ANKFN1: variants seen among roughly 807,000 people sequenced by gnomAD.
ANKFN1 encodes the protein ankyrin repeat and fibronectin type III domain containing 1.
ANKFN1 carries 74 observed loss-of-function variants against 108.7 expected under a neutral mutation model. The ratio of observed to expected loss-of-function variants is 0.68; its 90% CI spans 0.56 to 0.83. The LOEUF (loss-of-function observed/expected upper bound fraction) is 0.83. Among genes scored for constraint, ANKFN1 ranks in the 40% least tolerant of loss-of-function variants. ANKFN1 has a pLI of 0.00. For synonymous variants in ANKFN1, 547 were observed against 516.2 expected (o/e 1.06, Z -0.81); for missense variants, 1,505 against 1,382.3 (o/e 1.09, Z -1.41).
At chr17:56,367,643 C>A (rs781604216) in intron 6 of ANKFN1, among the ~76,000 whole-genome samples, 3 of 152,140 alleles carry the variant, frequency 2.0e-5, no homozygotes, top group Non-Finnish European at 4.4e-5. Flanking sequence ...GCTGGTATGG[C>A]TGCTCAGAGG....
At chr17:56,050,236 GTTGT>G (rs1375950134) in intron 4 of ANKFN1, among the ~76,000 whole-genome samples, 6 of 149,524 alleles carry the variant, frequency 4.0e-5, no homozygotes, top group Admixed American at 1.3e-4. Flanking sequence ...TTTTGATGGG[GTTGT>G]TTGTTTTTTT....
chr17:56,426,572 C>G (rs1269841783), intron 8 of ANKFN1, among the ~76,000 whole-genome samples: 2 of 152,114 alleles, frequency 1.3e-5, no homozygotes, highest in Non-Finnish European at 2.9e-5. Context: ...ATATTACATA[C>G]AAGCAGATAT....
In ANKFN1 at chr17:56,350,969, T is replaced by C. The variant is rs978957882; in HGVS notation, c.390+2T>C. On this transcript the variant is annotated splice_donor_variant, in intron 5 of 20. Transcript: ENST00000682825. LOFTEE classifies it high-confidence loss of function. ...CTGAGTCTCAGGAAGACCTCGGTGG[T>C]AACAAAACTGTTTTTATTCTTGTGT... The C allele has an allele frequency of 6.2e-7, 1 of 1,612,706 alleles. No homozygotes were observed. The highest frequency in any genetic ancestry group is 8.5e-7 in the Non-Finnish European group (1 of 1,179,414).
intron 3 of ANKFN1, among the ~76,000 whole-genome samples, chr17:56,274,914 C>T (rs2043885185): frequency 6.6e-6 from 1 of 152,142 alleles, no homozygotes; most frequent in Non-Finnish European, 1.5e-5. Context: ...AAAAAATGTA[C>T]CTTGCGGTTA....
chr17:56,419,248 G>A (rs920841450), intron 8 of ANKFN1, among the ~76,000 whole-genome samples: 18 of 149,892 alleles, frequency 1.2e-4, no homozygotes, highest in East Asian at 2.0e-4. Context: ...TTGGGAGGCC[G>A]AGGCGGGCAG....
chr17:56,066,345 T>C (rs904300908), intron 4 of ANKFN1, among the ~76,000 whole-genome samples: 1 of 152,204 alleles, frequency 6.6e-6, no homozygotes, highest in African/African-American at 2.4e-5. Context: ...TGCTGTCTAA[T>C]ATGCTAGCCA....
intron 4 of ANKFN1, among the ~76,000 whole-genome samples, chr17:56,091,449 CA>C (rs1905417631): frequency 6.7e-6 from 1 of 149,432 alleles, no homozygotes; most frequent in Non-Finnish European, 1.5e-5. Context: ...CACACACACA[CA>C]CACACACACA....
intron 8 of ANKFN1, among the ~76,000 whole-genome samples, chr17:56,427,720 C>T (rs577592711): frequency 1.0e-3 from 155 of 152,238 alleles, no homozygotes; most frequent in African/African-American, 3.7e-3. Flanking sequence ...GGAGCTTTCT[C>T]TAGCCAAAGA....
At chr17:56,490,497 G>A (rs80206790) in intron 18 of ANKFN1, among the ~76,000 whole-genome samples, 3,668 of 152,258 alleles carry the variant, frequency 0.024, 146 homozygotes, top group African/African-American at 0.082. Context: ...GGCAGCATGA[G>A]GGAAGGTATG....
chr17:56,278,164 A>G (rs1435605706), intron 3 of ANKFN1, among the ~76,000 whole-genome samples: 1 of 152,216 alleles, frequency 6.6e-6, no homozygotes, highest in African/African-American at 2.4e-5. Flanking sequence ...AGCAGCTTAT[A>G]TCTCACATTG....
intron 4 of ANKFN1, among the ~76,000 whole-genome samples, chr17:56,126,782 A>C (rs773644016): frequency 5.3e-5 from 8 of 152,264 alleles, no homozygotes; most frequent in Non-Finnish European, 8.8e-5. Context: ...AATAGTGCAG[A>C]AACAGCACCA....
In ANKFN1 at chr17:56,477,442, G is replaced by C. The variant is rs79310490; in HGVS notation, c.1774-46G>C. The C allele has an allele frequency of 4.0e-6, 6 of 1,488,440 alleles. No homozygotes were observed. In the Admixed American group the frequency reaches 1.2e-4, roughly 30 times the overall value. 92.2% of individuals were successfully genotyped at this position (1,488,440 alleles called of 1,614,324 possible). Reference sequence around the variant, plus strand: ...GGAAAAGGTTTTGAGATTGCCCTTCGAGTTGTTTTCTTGTTTTCTTTTTTT... The same window carrying C: ...GGAAAAGGTTTTGAGATTGCCCTTCCAGTTGTTTTCTTGTTTTCTTTTTTT... On this transcript the variant is annotated intron_variant, in intron 15 of 20. Coordinates refer to ENST00000682825, the MANE Select transcript of ANKFN1 (RefSeq NM_001370326.1).
intron 4 of ANKFN1, among the ~76,000 whole-genome samples, chr17:56,072,083 T>G (rs1018882041): frequency 2.6e-5 from 4 of 152,244 alleles, no homozygotes; most frequent in Admixed American, 2.6e-4. Flanking sequence ...AAAGCATCCA[T>G]GTCAGTAAGA....
intron 6 of ANKFN1, among the ~76,000 whole-genome samples, chr17:56,355,614 A>G (rs1035207769): frequency 6.6e-6 from 1 of 152,198 alleles, no homozygotes; most frequent in South Asian, 2.1e-4. Flanking sequence ...GATTTACATT[A>G]GAAGATCACC....
At chr17:56,150,114 A>C (rs1189004505), upstream of ANKFN1, among the ~76,000 whole-genome samples, 1 of 152,222 alleles carries the variant, frequency 6.6e-6, no homozygotes, top group Non-Finnish European at 1.5e-5. Context: ...CAACAGCTAC[A>C]AATCCCTGCC....
intron 15 of ANKFN1, chr17:56,472,745 A>G (rs1023215491): frequency 1.3e-5 from 2 of 152,264 alleles, no homozygotes; most frequent in Non-Finnish European, 2.9e-5. Flanking sequence ...CAAACAGTGT[A>G]CTATGGGGAA....
intron 8 of ANKFN1, among the ~76,000 whole-genome samples, chr17:56,378,437 C>T (rs1399684080): frequency 1.3e-5 from 2 of 152,136 alleles, no homozygotes; most frequent in Admixed American, 1.3e-4. Context: ...ATTCTTCTTA[C>T]CCTTTCTGTT....
intron 1 of ANKFN1, among the ~76,000 whole-genome samples, chr17:56,189,940 A>G (rs541471083): frequency 6.6e-6 from 1 of 151,910 alleles, no homozygotes; most frequent in Non-Finnish European, 1.5e-5. Flanking sequence ...AGGCATTATC[A>G]TGACAAAAAG....
intron 4 of ANKFN1, among the ~76,000 whole-genome samples, chr17:56,326,828 T>A (rs2045529066): frequency 6.6e-6 from 1 of 152,170 alleles, no homozygotes; most frequent in African/African-American, 2.4e-5. Flanking sequence ...ATTTTCAGAC[T>A]GGGCAAGCAG....
Sources: gnomAD v4.1 joint callset for allele counts (sites outside exome capture counted in the v4.1 genomes callset) on GRCh38, gnomAD v4.1.1 for gene constraint, MANE v1.5 for transcripts, NCBI Gene and HGNC (gene_info 2026-07-23, HGNC 2026-07-21) for gene names.